QTMAN: variants seen among roughly 807,000 people sequenced by gnomAD.
QTMAN encodes tRNA-queuosine alpha-mannosyltransferase.
At chr2:144,256,837 C>A in the QTMAN span, among the ~76,000 whole-genome samples, 3 of 151,658 alleles carry the variant, frequency 2.0e-5, no homozygotes, top group Admixed American at 6.6e-5. Context: ...ATGTAACAAA[C>A]CCACACATTC....
At chr2:144,281,626 A>C in the QTMAN span, among the ~76,000 whole-genome samples, 1 of 152,142 alleles carries the variant, frequency 6.6e-6, no homozygotes, top group Non-Finnish European at 1.5e-5. Context: ...GAGGTGATTA[A>C]GTCAAAATGA....
the QTMAN span, among the ~76,000 whole-genome samples, chr2:144,172,389 G>C: frequency 6.6e-6 from 1 of 152,200 alleles, no homozygotes; most frequent in Non-Finnish European, 1.5e-5. Context: ...GGGAGGCTGA[G>C]ATGGGCAGAT....
At chr2:144,304,014 CAT>C in the QTMAN span, among the ~76,000 whole-genome samples, 4 of 152,030 alleles carry the variant, frequency 2.6e-5, no homozygotes, top group Non-Finnish European at 4.4e-5. Flanking sequence ...GAAAGCACCA[CAT>C]GTCTACACAA....
the QTMAN span, among the ~76,000 whole-genome samples, chr2:144,163,081 C>A: frequency 1.3e-5 from 2 of 151,766 alleles, no homozygotes; most frequent in Non-Finnish European, 1.5e-5. Context: ...TGTATTTTTA[C>A]CCAAAAAAGA....
At chr2:144,273,328 C>A in the QTMAN span, among the ~76,000 whole-genome samples, 1 of 152,114 alleles carries the variant, frequency 6.6e-6, no homozygotes, top group Non-Finnish European at 1.5e-5. Flanking sequence ...GATGTTATTC[C>A]AACATGATCT....
the QTMAN span, among the ~76,000 whole-genome samples, chr2:144,302,625 ATT>A: frequency 6.6e-6 from 1 of 152,220 alleles, no homozygotes; most frequent in Admixed American, 6.5e-5. Flanking sequence ...TTCAATAGGT[ATT>A]TACAGAACAT....
chr2:144,268,641 G>A, the QTMAN span, among the ~76,000 whole-genome samples: 2 of 152,186 alleles, frequency 1.3e-5, no homozygotes, highest in Admixed American at 1.3e-4. Flanking sequence ...AGTTGAGGAT[G>A]TATTTGTTAT....
chr2:144,028,737 G>A, the QTMAN span, among the ~76,000 whole-genome samples: 7 of 152,186 alleles, frequency 4.6e-5, no homozygotes, highest in Admixed American at 2.0e-4. Flanking sequence ...AGAGATATAC[G>A]TGATCATTCC....
At chr2:143,997,665 TA>T in the QTMAN span, among the ~76,000 whole-genome samples, 1 of 152,208 alleles carries the variant, frequency 6.6e-6, no homozygotes, top group South Asian at 2.1e-4. Context: ...TTCCATAAAA[TA>T]ATGAAATCCT....
the QTMAN span, among the ~76,000 whole-genome samples, chr2:144,091,826 T>C: frequency 1.2e-3 from 190 of 152,200 alleles, no homozygotes; most frequent in African/African-American, 4.4e-3. Flanking sequence ...GGTATATCCA[T>C]ACAACGACAT....
At chr2:144,135,932 T>C in the QTMAN span, among the ~76,000 whole-genome samples, 226 of 152,298 alleles carry the variant, frequency 1.5e-3, no homozygotes, top group South Asian at 3.5e-3. Context: ...ATAAGATATG[T>C]ATGATAAATG....
chr2:144,298,022 A>ATT, the QTMAN span, among the ~76,000 whole-genome samples: 4 of 144,102 alleles, frequency 2.8e-5, no homozygotes, highest in South Asian at 2.2e-4. Flanking sequence ...GAATATTTTA[A>ATT]TTTTTTTTTT....
At chr2:144,130,928 T>G in the QTMAN span, among the ~76,000 whole-genome samples, 1 of 151,934 alleles carries the variant, frequency 6.6e-6, no homozygotes, top group Non-Finnish European at 1.5e-5. Flanking sequence ...TATTGAACTC[T>G]GAGAAGACAA....
chr2:144,176,226 A>ATTTCATCATTT, the QTMAN span, among the ~76,000 whole-genome samples: 1 of 152,316 alleles, frequency 6.6e-6, no homozygotes, highest in East Asian at 1.9e-4. Flanking sequence ...CAATTTATAA[A>ATTTCATCATTT]TTTCATCATT....
the QTMAN span, chr2:143,964,255 C>T: frequency 7.9e-5 from 12 of 152,018 alleles, no homozygotes; most frequent in Admixed American, 5.2e-4. Flanking sequence ...TAGACCATAA[C>T]AGGAACTCAG....
chr2:144,003,420 TA>T, the QTMAN span, among the ~76,000 whole-genome samples: 142 of 142,684 alleles, frequency 1.0e-3, 1 homozygote, highest in South Asian at 4.2e-3. Flanking sequence ...AGAAAATAGT[TA>T]AAAAAAAAAA....
At chr2:144,208,726 T>C in the QTMAN span, 1 of 1,613,806 alleles carries the variant, frequency 6.2e-7, no homozygotes, top group Admixed American at 1.7e-5. Flanking sequence ...TTGAAGAAGA[T>C]CCACCAGCTG....
the QTMAN span, chr2:143,957,355 A>G: frequency 6.5e-7 from 1 of 1,538,668 alleles, no homozygotes. Flanking sequence ...AAAAACAAGA[A>G]AAAGATATTC....
At chr2:144,195,703 T>G in the QTMAN span, among the ~76,000 whole-genome samples, 2 of 152,290 alleles carry the variant, frequency 1.3e-5, no homozygotes, top group South Asian at 4.1e-4. Flanking sequence ...ATGGTTACTT[T>G]CGTAAAGTCT....
Sources: gnomAD v4.1 joint callset for allele counts (sites outside exome capture counted in the v4.1 genomes callset) on GRCh38, gnomAD v4.1.1 for gene constraint, MANE v1.5 for transcripts, NCBI Gene and HGNC (gene_info 2026-07-23, HGNC 2026-07-21) for gene names.